SLC25A13: variants seen among roughly 807,000 people sequenced by gnomAD.
SLC25A13 encodes the protein solute carrier family 25 member 13.
Under a neutral mutation model 85.5 loss-of-function variants are expected in SLC25A13, and 70 were observed. The ratio of observed to expected loss-of-function variants is 0.82; its 90% CI spans 0.68 to 1.00. SLC25A13 has a LOEUF of 1.00. SLC25A13 is among the 50% of genes least tolerant of loss of function. The pLI, the probability that SLC25A13 is intolerant of heterozygous loss-of-function variation, is 0.00. For synonymous variants in SLC25A13, 259 were observed against 288.7 expected, an observed-to-expected ratio of 0.90 and a Z score of 1.04; for missense variants, 765 against 819.8, an observed-to-expected ratio of 0.93 and a Z score of 0.82.
intron 13 of SLC25A13, among the ~76,000 whole-genome samples, chr7:96,165,489 G>A (rs13241748): frequency 0.16 from 23,785 of 152,070 alleles, 2,165 homozygotes; most frequent in East Asian, 0.26. Context: ...AGTATCTGCC[G>A]CATTCCAACA....
At chr7:96,275,923 G>T (rs1798432243) in intron 3 of SLC25A13, among the ~76,000 whole-genome samples, 1 of 152,124 alleles carries the variant, frequency 6.6e-6, no homozygotes, top group African/African-American at 2.4e-5. Context: ...ATAAGAAAAG[G>T]AAAGTGCTAG....
rs1251939960 is a variant in SLC25A13, at chr7:96,289,483, CCAAAG to C, written c.69+7410_69+7414del. ...CCGAGCTAAAGGAGGAAGTTCGAACCCAAAGCAAAGAAGCTAAAAACCTTGAAAAA... is the reference window on the plus strand; with the variant it reads ...CCGAGCTAAAGGAGGAAGTTCGAACCCAAAGAAGCTAAAAACCTTGAAAAA... On this transcript the variant is annotated intron_variant, in intron 2 of 17. Transcript: ENST00000265631. Among the ~76,000 whole-genome samples the C allele has an allele frequency of 1.4e-4, 22 of 152,080 alleles. No homozygotes were observed. In the East Asian group the frequency reaches 4.1e-3, roughly 28 times the overall value.
chr7:96,241,918 T>C (rs1237931938), intron 3 of SLC25A13, among the ~76,000 whole-genome samples: 1 of 152,174 alleles, frequency 6.6e-6, no homozygotes, highest in African/African-American at 2.4e-5. Flanking sequence ...AGCAGAGGCT[T>C]AGACCCCATG....
chr7:96,258,958 A>G (rs1797744153), intron 3 of SLC25A13, among the ~76,000 whole-genome samples: 1 of 152,234 alleles, frequency 6.6e-6, no homozygotes, highest in East Asian at 1.9e-4. Context: ...AAAACAAGAA[A>G]CGGGGAAAGG....
intron 7 of SLC25A13, 38 bp downstream of exon 7, chr7:96,191,071 A>G (rs2116655660): frequency 6.2e-7 from 1 of 1,613,022 alleles, no homozygotes; most frequent in South Asian, 1.1e-5. Flanking sequence ...ATACACCACA[A>G]TACTTGCAGG....
At chr7:96,195,791 G>A (rs571118165) in intron 5 of SLC25A13, among the ~76,000 whole-genome samples, 1 of 152,254 alleles carries the variant, frequency 6.6e-6, no homozygotes, top group South Asian at 2.1e-4. Context: ...CTTCCTTTAA[G>A]CTTAGCTCAA....
rs947717640 is a variant in SLC25A13, at chr7:96,305,002, G to A, written c.16-8051C>T. 2.6e-5 allele frequency among the ~76,000 whole-genome samples: 4 copies of A among 152,136 alleles called. No individual in the cohort carries two copies. The South Asian group carries it at 6.2e-4, about 24-fold the overall frequency. ...CGGATCACTTATTATTAATTATAAC[G>A]ATAACAATGACCAGCTAACTTTTAC... On this transcript the variant is annotated intron_variant, in intron 1 of 17. Transcript: ENST00000265631.
intron 11 of SLC25A13, among the ~76,000 whole-genome samples, chr7:96,174,826 T>C (rs1794152612): frequency 6.6e-6 from 1 of 152,164 alleles, no homozygotes; most frequent in Admixed American, 6.5e-5. Flanking sequence ...TAGTAATGCA[T>C]TGTGAACGGC....
Position 96,121,751 on chromosome 7 carries a change from A to G in SLC25A13, c.1751-6T>C. On this transcript the variant is annotated splice_polypyrimidine_tract_variant and splice_region_variant and intron_variant, in intron 16 of 17. Coordinates refer to ENST00000265631, the MANE Select transcript of SLC25A13 (RefSeq NM_014251.3). ...TGAGGATCGAAATACACGAGCTTTAAAAAAATGGAGAAATCACAGATATAA... is the reference window on the plus strand; with the variant it reads ...TGAGGATCGAAATACACGAGCTTTAGAAAAATGGAGAAATCACAGATATAA... The G allele has an allele frequency of 3.1e-6, 5 of 1,614,178 alleles. No homozygotes were observed. In the South Asian group the frequency reaches 5.5e-5, roughly 18 times the overall value.
intron 1 of SLC25A13, among the ~76,000 whole-genome samples, chr7:96,299,698 G>C (rs993422120): frequency 2.6e-5 from 4 of 152,116 alleles, no homozygotes; most frequent in African/African-American, 9.7e-5. Flanking sequence ...CTTAACAACA[G>C]GATAACATTC....
intron 2 of SLC25A13, among the ~76,000 whole-genome samples, chr7:96,288,846 C>T (rs1388621712): frequency 6.6e-6 from 1 of 152,126 alleles, no homozygotes; most frequent in Non-Finnish European, 1.5e-5. Context: ...AGAGCATAGC[C>T]GAACAAAAGG....
intron 1 of SLC25A13, among the ~76,000 whole-genome samples, chr7:96,298,594 C>T (rs1213139107): frequency 3.3e-5 from 5 of 152,018 alleles, no homozygotes; most frequent in Admixed American, 6.6e-5. Context: ...CCACCATGCC[C>T]GGCTAATTTT....
intron 13 of SLC25A13, among the ~76,000 whole-genome samples, chr7:96,147,767 G>A (rs1054032159): frequency 3.3e-5 from 5 of 152,156 alleles, no homozygotes; most frequent in Non-Finnish European, 2.9e-5. Flanking sequence ...GAGATACTAT[G>A]CAGTCAACAG....
At chr7:96,191,016 T>C in intron 7 of SLC25A13, 93 bp downstream of exon 7, 10 of 1,425,704 alleles carry the variant, frequency 7.0e-6, no homozygotes, top group Non-Finnish European at 8.9e-6. Flanking sequence ...GTCAATGGGA[T>C]AGAAAAATAA....
intron 3 of SLC25A13, among the ~76,000 whole-genome samples, chr7:96,262,570 G>A (rs1272149113): frequency 6.6e-6 from 1 of 152,078 alleles, no homozygotes; most frequent in African/African-American, 2.4e-5. Context: ...CATAAGTGTG[G>A]GTATGGGTGA....
At chr7:96,311,542 G>T (rs1404326875) in intron 1 of SLC25A13, among the ~76,000 whole-genome samples, 1 of 152,054 alleles carries the variant, frequency 6.6e-6, no homozygotes, top group African/African-American at 2.4e-5. Context: ...AACCAAAAAG[G>T]GGGCAGGAAA....
chr7:96,297,001 T>C, intron 1 of SLC25A13, 50 bp from the exon 2 acceptor site: 3 of 1,489,094 alleles, frequency 2.0e-6, no homozygotes, highest in Non-Finnish European at 2.8e-6. Context: ...AGCTGAGAAA[T>C]CAAGCTAGCC....
Position 96,277,317 on chromosome 7 carries a change from C to G in SLC25A13, c.91G>C (p.Gly31Arg), listed in dbSNP as rs1367925406. 1 of 1,612,678 alleles carries G rather than the reference C, an allele frequency of 6.2e-7. No individual in the cohort carries two copies. Among genetic ancestry groups the G allele is most frequent in the Non-Finnish European group, 8.5e-7 (1 of 1,179,440 alleles). Residue 31 changes from glycine (G) to arginine (R), a missense_variant, in exon 3 of 18, where the codon GGT becomes CGT. Gly to Arg is a moderately radical substitution (Grantham distance 125). Transcript: ENST00000265631. ...FLKYASIEKN[G>R]EFFMSPNDFV... is the part of the protein sequence containing the mutation. ...TCATTGGGGGACATGAAAAATTCAC[C>G]GTTTTTCTCAATGCTTGCATACTGT...
chr7:96,132,150 C>A (rs954245186), intron 14 of SLC25A13, among the ~76,000 whole-genome samples: 1 of 152,098 alleles, frequency 6.6e-6, no homozygotes, highest in Non-Finnish European at 1.5e-5. Flanking sequence ...CAATTAAAAC[C>A]TTTTTGGAAC....
Sources: gnomAD v4.1 joint callset for allele counts (sites outside exome capture counted in the v4.1 genomes callset) on GRCh38, gnomAD v4.1.1 for gene constraint, MANE v1.5 for transcripts, NCBI Gene and HGNC (gene_info 2026-07-23, HGNC 2026-07-21) for gene names.